Variants in C19orf38 observed in about 807,000 individuals in gnomAD.
The protein encoded by C19orf38 is chromosome 19 open reading frame 38, also known as protein HIDE1.
In C19orf38, 14 loss-of-function variants were observed where a neutral mutation model predicts 26.6. The ratio of observed to expected loss-of-function variants is 0.53; its 90% CI spans 0.35 to 0.82. The LOEUF (loss-of-function observed/expected upper bound fraction) is 0.82, where lower values mean the gene tolerates loss of function less well. Ranked by LOEUF, C19orf38 falls within the 40% of genes least tolerant of loss-of-function variation. The probability of loss-of-function intolerance (pLI) is 0.01; values close to 1 mark genes in which losing one functional copy is unlikely to be tolerated. For synonymous variants in C19orf38, 132 were observed against 128.5 expected (o/e 1.03, Z -0.18); for missense variants, 261 against 299.5 (o/e 0.87, Z 0.95).
chr19:10,858,315 G>T lies in C19orf38; in HGVS notation c.434-1G>T. The T allele has an allele frequency of 6.5e-7, 1 of 1,534,584 alleles. No individual in the cohort carries two copies. The highest frequency in any genetic ancestry group is 8.8e-7 in the Non-Finnish European group (1 of 1,137,346). On this transcript the variant is annotated splice_acceptor_variant, in intron 3 of 6. Transcript: ENST00000397820. LOFTEE classifies it high-confidence loss of function. ...ACATGCTCATTTCTTTTTTGTTCCA[G>T]TTAAACTCAGAAATTTACAGAAGAA...
chr19:10,863,248 G>A (rs1459840860), intron 6 of C19orf38, 41 bp downstream of exon 6: 24 of 1,541,490 alleles, frequency 1.6e-5, no homozygotes, highest in Non-Finnish European at 2.0e-5. Context: ...TCTGCTGACC[G>A]TCCTACCGGG....
intron 1 of C19orf38, among the ~76,000 whole-genome samples, chr19:10,837,464 C>CCTTTT (rs966692526): frequency 2.0e-5 from 3 of 146,458 alleles, no homozygotes; most frequent in Admixed American, 6.8e-5. Context: ...ACGGGTGACT[C>CCTTTT]CTTTTCTTTT....
chr19:10,858,936 G>GTTT (rs33931525), intron 4 of C19orf38, among the ~76,000 whole-genome samples: 2 of 135,820 alleles, frequency 1.5e-5, no homozygotes, highest in African/African-American at 2.8e-5. Context: ...ATATATATAT[G>GTTT]TTTTTTTTTT....
At chr19:10,862,527 C>T (rs1480661442) in intron 5 of C19orf38, among the ~76,000 whole-genome samples, 1 of 151,794 alleles carries the variant, frequency 6.6e-6, no homozygotes, top group East Asian at 2.0e-4. Flanking sequence ...TAAGCAGAGA[C>T]CTACAAGAAT....
At chr19:10,844,993 C>CAAAAAAAAAA (rs57500129), upstream of C19orf38, among the ~76,000 whole-genome samples, 7 of 95,826 alleles carry the variant, frequency 7.3e-5, no homozygotes, top group Non-Finnish European at 8.7e-5. Flanking sequence ...CCTTTCTCTA[C>CAAAAAAAAAA]AAAAAAAAAA....
Position 10,869,501 on chromosome 19 carries a change from G to C in C19orf38, c.*134G>C. ...GGAAAGGAAGGGGAACCCTGGCCTT[G>C]GGATTTTCATCACAGAGGAGTGGGA... On this transcript the variant is annotated 3_prime_UTR_variant, in exon 7 of 7. Coordinates refer to ENST00000397820, the MANE Select transcript of C19orf38 (RefSeq NM_001136482.3). 7.9e-7 allele frequency: 1 copy of C among 1,271,724 alleles called. No individual in the cohort carries two copies. Among genetic ancestry groups the C allele is most frequent in the South Asian group, 1.6e-5 (1 of 62,462 alleles). 78.8% of individuals were successfully genotyped at this position (1,271,724 alleles called of 1,614,324 possible).
At chr19:10,862,899 G>A (rs915611265) in intron 5 of C19orf38, among the ~76,000 whole-genome samples, 1 of 151,978 alleles carries the variant, frequency 6.6e-6, no homozygotes, top group Non-Finnish European at 1.5e-5. Flanking sequence ...GAGCTGGCAG[G>A]TGCTCCTTCT....
chr19:10,853,744 A>C (rs1264923133), intron 2 of C19orf38, among the ~76,000 whole-genome samples: 10 of 151,080 alleles, frequency 6.6e-5, no homozygotes, highest in Admixed American at 3.3e-4. Context: ...GGCATGTGCC[A>C]CCATGCCCAG....
rs2073559790 is a variant in C19orf38, at chr19:10,850,426, C to T, written c.199C>T (p.Gln67Ter). The part of the protein sequence containing the change: ...VVQLLQAPTD[Q>*]RGVTFNLSGG... ...CCAGCTCCTGCAGGCCCCCACGGAC[C>T]AGCGCGGGGTGACATTTAACCTGAG... The change falls in exon 2 of 7, where the codon CAG (glutamine) becomes TAG (stop). Residue 67 changes from glutamine (Q) to a stop codon, truncating the protein, a stop_gained. Transcript: ENST00000397820. LOFTEE classifies it high-confidence loss of function. The T allele has an allele frequency of 6.4e-7, 1 of 1,551,164 alleles. No individual in the cohort carries two copies. The highest frequency in any genetic ancestry group is 2.4e-5 in the East Asian group (1 of 40,902).
At chr19:10,862,160 A>G (rs2073704834) in intron 5 of C19orf38, among the ~76,000 whole-genome samples, 1 of 149,208 alleles carries the variant, frequency 6.7e-6, no homozygotes, top group Non-Finnish European at 1.5e-5. Flanking sequence ...TCAGCCTCCT[A>G]AAGTGCTGGG....
intron 6 of C19orf38, among the ~76,000 whole-genome samples, chr19:10,868,786 G>A (rs1437270489): frequency 3.3e-5 from 5 of 152,216 alleles, no homozygotes; most frequent in Non-Finnish European, 7.3e-5. Flanking sequence ...GATTACAGGC[G>A]TGAGCCACTG....
chr19:10,841,911 C>T lies in C19orf38; in HGVS notation c.-69+5141C>T, dbSNP rs566075088. On this transcript the variant is annotated intron_variant, in intron 1 of 7. Transcript: ENST00000592854. ...TTCTTATCCTGATTCAAATGGAATG[C>T]CAGTGTGGCAACTCCTAGGATTTGT... is the stretch of plus-strand genomic sequence containing the variant. The T allele has an allele frequency of 1.4e-5, 22 of 1,600,858 alleles. No individual in the cohort carries two copies. In the East Asian group the frequency reaches 3.1e-4, roughly 23 times the overall value.
At chr19:10,858,249 A>AAC (rs2073651839) in intron 3 of C19orf38, 67 bp from the exon 4 acceptor site, 3 of 1,276,506 alleles carry the variant, frequency 2.4e-6, no homozygotes, top group African/African-American at 1.5e-5. Flanking sequence ...AAAAAAAAAA[A>AAC]AAACAGAAAT....
At chr19:10,844,988 C>T (rs1344769607), upstream of C19orf38, among the ~76,000 whole-genome samples, 2 of 105,554 alleles carry the variant, frequency 1.9e-5, no homozygotes, top group Non-Finnish European at 4.4e-5. Context: ...GAGACCCTTT[C>T]TCTACAAAAA....
intron 1 of C19orf38, among the ~76,000 whole-genome samples, chr19:10,840,300 C>A (rs1209594632): frequency 2.6e-5 from 4 of 152,106 alleles, no homozygotes; most frequent in Non-Finnish European, 5.9e-5. Context: ...TCCTCACCAA[C>A]ACTTGTTACT....
chr19:10,842,728 C>A (rs1413690349), intron 1 of C19orf38, among the ~76,000 whole-genome samples: 2 of 152,036 alleles, frequency 1.3e-5, no homozygotes, highest in African/African-American at 2.4e-5. Context: ...CAGAGAGAGA[C>A]CCTGTCTCAA....
chr19:10,854,159 C>T (rs1219507967), intron 2 of C19orf38, among the ~76,000 whole-genome samples: 1 of 150,998 alleles, frequency 6.6e-6, no homozygotes, highest in East Asian at 2.0e-4. Flanking sequence ...GCCTCCCAGG[C>T]TCAAGCGATT....
intron 2 of C19orf38, among the ~76,000 whole-genome samples, chr19:10,855,195 G>A (rs2073611710): frequency 6.6e-6 from 1 of 151,764 alleles, no homozygotes; most frequent in Admixed American, 6.6e-5. Flanking sequence ...GTAACACCTG[G>A]CTAATTTTTG....
chr19:10,850,555 G>T lies in C19orf38; in HGVS notation c.328G>T (p.Val110Phe). 6.4e-7 allele frequency: 1 copy of T among 1,551,494 alleles called. No individual in the cohort carries two copies. The highest frequency in any genetic ancestry group is 8.7e-7 in the Non-Finnish European group (1 of 1,146,976). Residue 110 changes from valine to phenylalanine, a missense_variant, in exon 2 of 7, where the codon GTC becomes TTC. Physicochemically the swap from Val to Phe is conservative, Grantham distance 50. Transcript: ENST00000397820. ...GTCAGACCTCAGCGAGCCCGTGAAC[G>T]TCTCCTTCCCAGGTAAGGCCCTTCT... ...QLSDLSEPVN[V>F]SFPVPTWILV...
Sources: gnomAD v4.1 joint callset for allele counts (sites outside exome capture counted in the v4.1 genomes callset) on GRCh38, gnomAD v4.1.1 for gene constraint, MANE v1.5 for transcripts, NCBI Gene and HGNC (gene_info 2026-07-23, HGNC 2026-07-21) for gene names.